CFAP70: variants seen among roughly 807,000 people sequenced by gnomAD.
The protein encoded by CFAP70 is cilia and flagella associated protein 70.
Under a neutral mutation model 137.6 loss-of-function variants are expected in CFAP70, and 81 were observed. The ratio of observed to expected loss-of-function variants is 0.59; its 90% confidence interval spans 0.49 to 0.71. The LOEUF is 0.71. Among genes scored for constraint, CFAP70 ranks in the 30% least tolerant of loss-of-function variants. The pLI, the probability that CFAP70 is intolerant of heterozygous loss-of-function variation, is 0.00. For synonymous variants in CFAP70, 382 were observed against 423.6 expected, an observed-to-expected ratio of 0.90 and a Z score of 1.20; for missense variants, 976 against 1,226.7, an observed-to-expected ratio of 0.80 and a Z score of 3.05.
chr10:73,266,176 T>C (rs967766566), intron 25 of CFAP70, among the ~76,000 whole-genome samples: 1 of 152,198 alleles, frequency 6.6e-6, no homozygotes, highest in African/African-American at 2.4e-5. Context: ...TTTATATTGA[T>C]TTTTATCCAG....
chr10:73,303,409 A>C (rs1393074587), intron 12 of CFAP70, among the ~76,000 whole-genome samples: 4 of 151,676 alleles, frequency 2.6e-5, no homozygotes, highest in African/African-American at 9.7e-5. Context: ...TAGTAGAGAC[A>C]GTGTTTCACT....
At chr10:73,331,712 G>A (rs188157995) in intron 7 of CFAP70, among the ~76,000 whole-genome samples, 41 of 152,036 alleles carry the variant, frequency 2.7e-4, no homozygotes, top group Non-Finnish European at 5.9e-5. Flanking sequence ...CTGGGTTGGT[G>A]GTTTTTAAAA....
chr10:73,348,572 A>G, intron 3 of CFAP70, 51 bp from the exon 4 acceptor site: 1 of 1,185,822 alleles, frequency 8.4e-7, no homozygotes, highest in South Asian at 1.6e-5. Flanking sequence ...CATCTATCCG[A>G]TAACCAAGCT....
intron 13 of CFAP70, 89 bp downstream of exon 14, chr10:73,299,516 G>T: frequency 1.8e-6 from 2 of 1,104,588 alleles, no homozygotes; most frequent in Non-Finnish European, 1.4e-6. Context: ...CACCCCTTCT[G>T]GAAGACATAT....
chr10:73,335,527 G>A lies in CFAP70; in HGVS notation c.583-3C>T, dbSNP rs1457308483. ...GCTTGATTCCTAAATTCGCTGTCCT[G>A]TAAAATATAAATACTTCTGTTCTCG... On this transcript the variant is annotated splice_polypyrimidine_tract_variant and splice_region_variant and intron_variant, in intron 6 of 26. Coordinates refer to ENST00000310715, the Ensembl canonical transcript of CFAP70. The A allele has an allele frequency of 6.2e-7, 1 of 1,606,454 alleles. No homozygotes were observed. Among genetic ancestry groups the A allele is most frequent in the South Asian group, 1.1e-5 (1 of 90,418 alleles).
At chr10:73,255,459 G>A (rs986006585) in intron 26 of CFAP70, among the ~76,000 whole-genome samples, 3 of 152,232 alleles carry the variant, frequency 2.0e-5, no homozygotes, top group African/African-American at 7.2e-5. Context: ...GGAGGCTGAG[G>A]CACAAGAATC....
chr10:73,307,523 A>G (rs191581045), intron 12 of CFAP70, among the ~76,000 whole-genome samples: 1 of 152,360 alleles, frequency 6.6e-6, no homozygotes, highest in African/African-American at 2.4e-5. Flanking sequence ...GGATAAAATC[A>G]GATATTCCAT....
At chr10:73,279,568 A>AATAT (rs747708314) in intron 19 of CFAP70, among the ~76,000 whole-genome samples, 5 of 126,716 alleles carry the variant, frequency 3.9e-5, no homozygotes, top group African/African-American at 1.2e-4. Flanking sequence ...TAAATAAATA[A>AATAT]ATATAAGAAG....
intron 7 of CFAP70, among the ~76,000 whole-genome samples, chr10:73,331,750 A>C (rs1048413690): frequency 3.9e-5 from 6 of 152,224 alleles, no homozygotes. Context: ...CATTCCAAAA[A>C]TAATTCTGCT....
chr10:73,304,210 C>T (rs1589415761), intron 12 of CFAP70, among the ~76,000 whole-genome samples: 2 of 152,210 alleles, frequency 1.3e-5, no homozygotes, highest in South Asian at 2.1e-4. Context: ...CCCACCATCA[C>T]GCCCGGCTAA....
At chr10:73,329,053 C>T (rs1322855996) in intron 8 of CFAP70, among the ~76,000 whole-genome samples, 20 of 151,826 alleles carry the variant, frequency 1.3e-4, no homozygotes, top group African/African-American at 3.4e-4. Flanking sequence ...ATGTTTATTG[C>T]GGCACTATTC....
At chr10:73,329,895 T>A (rs2051898721) in intron 8 of CFAP70, among the ~76,000 whole-genome samples, 1 of 152,142 alleles carries the variant, frequency 6.6e-6, no homozygotes, top group Non-Finnish European at 1.5e-5. Context: ...ATTAGCACTA[T>A]CTACCATGGA....
intron 19 of CFAP70, among the ~76,000 whole-genome samples, chr10:73,285,658 G>A (rs1304668183): frequency 1.1e-4 from 15 of 141,352 alleles, no homozygotes; most frequent in South Asian, 4.6e-4. Context: ...TTTTTGAGAC[G>A]GAGTCTCACT....
At position 73,278,145 on chromosome 10, in the gene CFAP70, C is replaced by T. The variant is rs780906320; in HGVS notation, c.2398+34G>A. The T allele has an allele frequency of 6.2e-6, 10 of 1,603,380 alleles. No individual in the cohort carries two copies. The South Asian group carries it at 7.8e-5, about 12-fold the overall frequency. On this transcript the variant is annotated intron_variant, in intron 20 of 26. Coordinates refer to ENST00000310715, the Ensembl canonical transcript of CFAP70. Reference sequence around the variant, plus strand: ...TCTTCATCCTTGTCTAGCTTATGCCCCTCTTCCAAGTGGAAATCTTTATTT... The same window carrying T: ...TCTTCATCCTTGTCTAGCTTATGCCTCTCTTCCAAGTGGAAATCTTTATTT...
chr10:73,330,310 C>G (rs182690024), intron 8 of CFAP70, among the ~76,000 whole-genome samples: 1 of 151,576 alleles, frequency 6.6e-6, no homozygotes, highest in African/African-American at 2.4e-5. Flanking sequence ...ATTAGCCGGG[C>G]GTGGTGGTGT....
chr10:73,351,412 C>A (rs2054257292), intron 3 of CFAP70, among the ~76,000 whole-genome samples: 1 of 151,394 alleles, frequency 6.6e-6, no homozygotes, highest in South Asian at 2.1e-4. Flanking sequence ...GCCACTGCAC[C>A]CAGTCATTGT....
intron 25 of CFAP70, among the ~76,000 whole-genome samples, chr10:73,261,936 TCTCTC>T (rs1024593553): frequency 6.7e-6 from 1 of 149,930 alleles, no homozygotes; most frequent in South Asian, 2.1e-4. Context: ...AGTTCTCTCT[TCTCTC>T]AGGAAAGAAT....
chr10:73,357,287 A>C (rs1011649897), intron 1 of CFAP70, among the ~76,000 whole-genome samples: 2 of 152,210 alleles, frequency 1.3e-5, no homozygotes, highest in African/African-American at 2.4e-5. Context: ...TCTTACCAGC[A>C]GTCATACAGC....
intron 19 of CFAP70, among the ~76,000 whole-genome samples, chr10:73,279,634 G>C (rs1163416833): frequency 3.3e-5 from 5 of 152,036 alleles, no homozygotes; most frequent in Non-Finnish European, 4.4e-5. Context: ...TGAGGCAAGA[G>C]GACTGCTTAA....
Sources: gnomAD v4.1 joint callset for allele counts (sites outside exome capture counted in the v4.1 genomes callset) on GRCh38, gnomAD v4.1.1 for gene constraint, MANE v1.5 for transcripts, NCBI Gene and HGNC (gene_info 2026-07-23, HGNC 2026-07-21) for gene names.